Variants in ISCA1 observed in about 807,000 individuals in gnomAD.
ISCA1 encodes the protein iron-sulfur cluster assembly 1, also known as iron-sulfur cluster assembly 1 homolog, mitochondrial.
In ISCA1, 9 loss-of-function variants were observed where a neutral mutation model predicts 14.7. The ratio of observed to expected loss-of-function variants is 0.61; its 90% confidence interval spans 0.37 to 1.07. The LOEUF (loss-of-function observed/expected upper bound fraction) is 1.07, where lower values mean the gene tolerates loss of function less well. ISCA1 is among the 50% of genes least tolerant of loss of function. The probability of loss-of-function intolerance (pLI) is 0.01; values close to 1 mark genes in which losing one functional copy is unlikely to be tolerated. For synonymous variants in ISCA1, 38 were observed against 54.3 expected, an observed-to-expected ratio of 0.70 and a Z score of 1.32; for missense variants, 102 against 150.1, an observed-to-expected ratio of 0.68 and a Z score of 1.67.
chr9:86,278,616 G>A (rs760427313), intron 1 of ISCA1, among the ~76,000 whole-genome samples: 21 of 152,180 alleles, frequency 1.4e-4, no homozygotes, highest in Non-Finnish European at 2.6e-4. Context: ...GCTGCAGTAA[G>A]CCATGATCAT....
intron 1 of ISCA1, 133 bp from the exon 2 acceptor site, chr9:86,274,375 G>A: frequency 1.6e-6 from 1 of 628,280 alleles, no homozygotes; most frequent in Non-Finnish European, 2.8e-6. Context: ...GGTACCTTAT[G>A]GACTTTATAT....
rs965506888 is a variant in ISCA1, at chr9:86,270,595, A to G, written c.241+1412T>C. ...TGACCCAGCCATCCCATTACTGGGT[A>G]TATACCCAAAGGACTACAAATCATG... On this transcript the variant is annotated intron_variant, in intron 3 of 3. Coordinates refer to ENST00000375991, the MANE Select transcript of ISCA1 (RefSeq NM_030940.4). Among the ~76,000 whole-genome samples the G allele has an allele frequency of 2.3e-3, 356 of 152,144 alleles. 1 individual carries two copies. Among genetic ancestry groups the G allele is most frequent in the African/African-American group, 8.2e-3 (342 of 41,508 alleles).
intron 3 of ISCA1, 102 bp from the exon 4 acceptor site, chr9:86,266,293 CA>C: frequency 1.4e-6 from 2 of 1,474,946 alleles, no homozygotes; most frequent in Non-Finnish European, 1.8e-6. Context: ...CAATGAAAGT[CA>C]AACAAGAAGC....
chr9:86,278,901 G>A (rs1476893047), intron 1 of ISCA1, among the ~76,000 whole-genome samples: 1 of 152,048 alleles, frequency 6.6e-6, no homozygotes, highest in East Asian at 1.9e-4. Context: ...AAAGAATGAA[G>A]ATTTATAACG....
chr9:86,280,095 G>A (rs1031394626), intron 1 of ISCA1, among the ~76,000 whole-genome samples: 2 of 152,198 alleles, frequency 1.3e-5, no homozygotes, highest in Non-Finnish European at 2.9e-5. Flanking sequence ...AAGCAGAGGG[G>A]AGCAAGTGTG....
At chr9:86,282,139 G>T (rs1825526793) in intron 1 of ISCA1, 1 of 537,116 alleles carries the variant, frequency 1.9e-6, no homozygotes, top group Non-Finnish European at 3.2e-6. Context: ...GTTGCCGCGC[G>T]GCCTGACGGG....
intron 1 of ISCA1, 143 bp downstream of exon 1, chr9:86,282,235 G>T: frequency 1.2e-6 from 1 of 851,058 alleles, no homozygotes; most frequent in Admixed American, 3.1e-5. Context: ...AGGAGGCGGC[G>T]AGGCTGTGCG....
intron 1 of ISCA1, among the ~76,000 whole-genome samples, chr9:86,276,368 C>T (rs1825439000): frequency 1.3e-5 from 2 of 152,142 alleles, no homozygotes; most frequent in South Asian, 2.1e-4. Context: ...TCCTAACAGG[C>T]CATGGACCAG....
chr9:86,267,691 G>C (rs1825306599), intron 3 of ISCA1: 1 of 631,776 alleles, frequency 1.6e-6, no homozygotes, highest in Non-Finnish European at 2.0e-6. Flanking sequence ...AAATGAACCA[G>C]GCATGGTGGT....
intron 2 of ISCA1, 85 bp downstream of exon 2, chr9:86,274,104 G>A: frequency 4.1e-6 from 3 of 738,450 alleles, no homozygotes; most frequent in South Asian, 3.4e-5. Context: ...ACCCCTAAAT[G>A]AAATAATACT....
At chr9:86,280,055 C>A (rs1184918615) in intron 1 of ISCA1, among the ~76,000 whole-genome samples, 1 of 152,142 alleles carries the variant, frequency 6.6e-6, no homozygotes, top group Admixed American at 6.5e-5. Context: ...AACATGGATA[C>A]CTTGAGAACT....
intron 3 of ISCA1, among the ~76,000 whole-genome samples, chr9:86,269,968 A>G (rs1362142974): frequency 6.6e-6 from 1 of 152,114 alleles, no homozygotes; most frequent in East Asian, 1.9e-4. Flanking sequence ...CTTAAACGTT[A>G]GACCTAAAAC....
chr9:86,266,306 T>C lies in ISCA1; in HGVS notation c.242-115A>G, dbSNP rs142462928. 1.5e-5 allele frequency: 22 copies of C among 1,434,466 alleles called. No individual in the cohort carries two copies. In the African/African-American group the frequency reaches 1.6e-4, roughly 10 times the overall value. The allele number at this position is 1,434,466 out of a possible 1,614,324, so 88.9% of individuals were successfully genotyped here. On this transcript the variant is annotated intron_variant, in intron 3 of 3. Transcript: ENST00000375991. ...ATCAATGAAAGTCAAACAAGAAGCC[T>C]TGAACATTTTAAATTATTTCCTTAA...
At position 86,265,959 on chromosome 9, in the gene ISCA1, C is replaced by T. The variant is rs11549385; in HGVS notation, c.*84G>A. On this transcript the variant is annotated 3_prime_UTR_variant, in exon 4 of 4. Transcript: ENST00000375991. Reference sequence around the variant, plus strand: ...AGATGTATCACTTTATTTTCCAGCACGTGACAGTCACATGATTTCTGCAGT... The same window carrying T: ...AGATGTATCACTTTATTTTCCAGCATGTGACAGTCACATGATTTCTGCAGT... 2,433 of 1,561,918 alleles carry T rather than the reference C, an allele frequency of 1.6e-3. 28 individuals are homozygous for T. The African/African-American group carries it at 0.028, about 18-fold the overall frequency.
At chr9:86,272,994 T>C (rs1825390744) in intron 2 of ISCA1, among the ~76,000 whole-genome samples, 1 of 152,210 alleles carries the variant, frequency 6.6e-6, no homozygotes, top group African/African-American at 2.4e-5. Context: ...GAGGTGACTG[T>C]ATACAGCAAA....
At chr9:86,278,662 C>T (rs1825470937) in intron 1 of ISCA1, among the ~76,000 whole-genome samples, 1 of 152,102 alleles carries the variant, frequency 6.6e-6, no homozygotes, top group Admixed American at 6.6e-5. Context: ...AGAGGAAGAT[C>T]CTGTCTCTAA....
rs1243895143 is a variant in ISCA1, at chr9:86,265,277, C to G, written c.*766G>C. The G allele has an allele frequency of 6.6e-6, 1 of 152,192 alleles. No homozygotes were observed. Among genetic ancestry groups the G allele is most frequent in the African/African-American group, 2.4e-5 (1 of 41,448 alleles). The allele number at this position is 152,192 out of a possible 1,614,324, so 9.4% of individuals were successfully genotyped here. A position where few individuals can be genotyped will look rare whatever the true frequency, so the allele number is the denominator to read the frequency against. Reference sequence around the variant, plus strand: ...GGGTAGAGTCCCTACTCTCCCCCGGCCTGTGGTGTCAGGGTGGACAGGAGC... The same window carrying G: ...GGGTAGAGTCCCTACTCTCCCCCGGGCTGTGGTGTCAGGGTGGACAGGAGC... On this transcript the variant is annotated 3_prime_UTR_variant, in exon 4 of 4. Coordinates refer to ENST00000375991, the MANE Select transcript of ISCA1 (RefSeq NM_030940.4).
chr9:86,265,000 A>T lies in ISCA1; in HGVS notation c.*1043T>A, dbSNP rs1176737949. On this transcript the variant is annotated 3_prime_UTR_variant, in exon 4 of 4. Transcript: ENST00000375991. ...CTGTACAGTGAGGACCACATTCCAA[A>T]AGCATAATTCTGGGTTGCTACAATG... is the stretch of plus-strand genomic sequence containing the variant. The T allele has an allele frequency of 6.6e-6, 1 of 152,184 alleles. No homozygotes were observed. Among genetic ancestry groups the T allele is most frequent in the Non-Finnish European group, 1.5e-5 (1 of 68,030 alleles). The allele number at this position is 152,184 out of a possible 1,614,324, so 9.4% of individuals were successfully genotyped here.
At chr9:86,276,385 T>C (rs1218549868) in intron 1 of ISCA1, among the ~76,000 whole-genome samples, 1 of 152,166 alleles carries the variant, frequency 6.6e-6, no homozygotes, top group Non-Finnish European at 1.5e-5. Context: ...CCAGTACCAG[T>C]CTGTAGCGCA....
Sources: gnomAD v4.1 joint callset for allele counts (sites outside exome capture counted in the v4.1 genomes callset) on GRCh38, gnomAD v4.1.1 for gene constraint, MANE v1.5 for transcripts, NCBI Gene and HGNC (gene_info 2026-07-23, HGNC 2026-07-21) for gene names.